Variants in IL1RAPL1 observed in about 807,000 individuals in gnomAD.
The protein encoded by IL1RAPL1 is interleukin 1 receptor accessory protein like 1.
IL1RAPL1 carries 3 observed loss-of-function variants against 48.4 expected under a neutral mutation model. The observed-to-expected ratio is 0.06, with a 90% confidence interval of 0.03 to 0.16. The LOEUF (loss-of-function observed/expected upper bound fraction) is 0.16, where lower values mean the gene tolerates loss of function less well. Among genes scored for constraint, IL1RAPL1 ranks in the 10% least tolerant of loss-of-function variants. The pLI is 1.00. For missense variants in IL1RAPL1, 349 were observed against 530.6 expected, an observed-to-expected ratio of 0.66 and a Z score of 3.36; for synonymous variants, 185 against 187.7, an observed-to-expected ratio of 0.99 and a Z score of 0.12.
At chrX:29,134,034 C>G (rs2147486389) in intron 2 of IL1RAPL1, among the ~76,000 whole-genome samples, 1 of 111,866 alleles carries the variant, frequency 8.9e-6, no homozygotes, top group Non-Finnish European at 1.9e-5. Flanking sequence ...TTTCTTTTTG[C>G]TACTGAATAA....
intron 6 of IL1RAPL1, among the ~76,000 whole-genome samples, chrX:29,848,774 A>G (rs1360279194): frequency 9.0e-6 from 1 of 110,557 alleles, no homozygotes; most frequent in Non-Finnish European, 1.9e-5. Flanking sequence ...CCATGTTTTT[A>G]TTTTATTTTG....
At chrX:29,612,413 T>C (rs1180901896) in intron 5 of IL1RAPL1, among the ~76,000 whole-genome samples, 5 of 101,526 alleles carry the variant, frequency 4.9e-5, no homozygotes, top group Non-Finnish European at 1.0e-4. Context: ...CTCATTTTAT[T>C]AAAAAAAAAA....
At chrX:28,940,308 G>T (rs1392567101) in intron 2 of IL1RAPL1, among the ~76,000 whole-genome samples, 1 of 111,006 alleles carries the variant, frequency 9.0e-6, no homozygotes, top group Non-Finnish European at 1.9e-5. Flanking sequence ...GAGCAAAAAA[G>T]ACATATATTT....
At chrX:29,666,782 G>T (rs765347969) in intron 5 of IL1RAPL1, among the ~76,000 whole-genome samples, 1 of 110,821 alleles carries the variant, frequency 9.0e-6, no homozygotes, top group Non-Finnish European at 1.9e-5. Context: ...GTAAAAAACT[G>T]TCAAGTCGTC....
intron 5 of IL1RAPL1, among the ~76,000 whole-genome samples, chrX:29,569,726 T>C: frequency 8.9e-6 from 1 of 111,780 alleles, no homozygotes; most frequent in Non-Finnish European, 1.9e-5. Flanking sequence ...TTGCAACTAC[T>C]TATGGTCGCG....
At chrX:29,948,717 T>C (rs938855359) in intron 9 of IL1RAPL1, among the ~76,000 whole-genome samples, 7 of 110,368 alleles carry the variant, frequency 6.3e-5, no homozygotes, top group African/African-American at 2.3e-4. Context: ...TAAAAAAAGA[T>C]GAACTATACA....
chrX:29,578,806 A>G lies in IL1RAPL1; in HGVS notation c.704-89624A>G, dbSNP rs1323235088. Among the ~76,000 whole-genome samples the G allele has an allele frequency of 2.7e-5, 3 of 111,894 alleles. No homozygotes were observed. In the East Asian group the frequency reaches 8.4e-4, roughly 31 times the overall value. ...CATAAATGGGTGAATTTGTAGATGT[A>G]TCAGTTGAGATTTTGCTGTGTAGTA... On this transcript the variant is annotated intron_variant, in intron 5 of 10. Transcript: ENST00000378993.
intron 1 of IL1RAPL1, among the ~76,000 whole-genome samples, chrX:28,773,226 A>G (rs1010243980): frequency 2.7e-5 from 3 of 110,652 alleles, no homozygotes; most frequent in African/African-American, 9.9e-5. Flanking sequence ...GATGTGCACC[A>G]GCATGCCCAG....
At chrX:28,771,162 A>G (rs932761044) in intron 1 of IL1RAPL1, among the ~76,000 whole-genome samples, 1 of 111,226 alleles carries the variant, frequency 9.0e-6, no homozygotes. Context: ...TAATCATCCC[A>G]CTCTGTCTCT....
chrX:29,319,558 G>GTATGTATGTATC (rs1555990684), intron 3 of IL1RAPL1, among the ~76,000 whole-genome samples: 1 of 82,013 alleles, frequency 1.2e-5, no homozygotes, highest in Non-Finnish European at 2.3e-5. Context: ...ATGTATGTAT[G>GTATGTATGTATC]TATCTATCTA....
chrX:28,619,768 G>C (rs975538854), intron 1 of IL1RAPL1, among the ~76,000 whole-genome samples: 6 of 111,232 alleles, frequency 5.4e-5, no homozygotes, highest in African/African-American at 2.0e-4. Context: ...GAACTACCAT[G>C]GTGAGCTAAA....
chrX:29,612,639 G>A (rs1924131679), intron 5 of IL1RAPL1, among the ~76,000 whole-genome samples: 1 of 111,500 alleles, frequency 9.0e-6, no homozygotes, highest in South Asian at 3.7e-4. Context: ...CCCTTCTGTA[G>A]TATGTGTTAA....
intron 1 of IL1RAPL1, among the ~76,000 whole-genome samples, chrX:28,740,409 A>G (rs1340316464): frequency 1.8e-5 from 2 of 112,066 alleles, no homozygotes; most frequent in African/African-American, 6.5e-5. Flanking sequence ...AATAGGCAAA[A>G]TTTATAAATC....
intron 5 of IL1RAPL1, among the ~76,000 whole-genome samples, chrX:29,621,081 A>G (rs1470389228): frequency 8.9e-6 from 1 of 112,208 alleles, no homozygotes; most frequent in Non-Finnish European, 1.9e-5. Flanking sequence ...GATGTTAAGA[A>G]CATATCTTAG....
intron 2 of IL1RAPL1, among the ~76,000 whole-genome samples, chrX:29,071,330 T>C (rs893670311): frequency 4.5e-5 from 5 of 111,748 alleles, no homozygotes; most frequent in Non-Finnish European, 5.6e-5. Flanking sequence ...ATTTCTAGAA[T>C]GTACTGTTAC....
Position 28,926,635 on chromosome X carries a change from A to C in IL1RAPL1, c.82+137210A>C, listed in dbSNP as rs766073672. Among the ~76,000 whole-genome samples, 3 of 112,031 alleles carry C rather than the reference A, an allele frequency of 2.7e-5. No individual in the cohort carries two copies. In the East Asian group the frequency reaches 8.4e-4, roughly 32 times the overall value. On this transcript the variant is annotated intron_variant, in intron 2 of 10. Coordinates refer to ENST00000378993, the MANE Select transcript of IL1RAPL1 (RefSeq NM_014271.4). Reference sequence around the variant, plus strand: ...TGCAAATAGCTAAATATTATTGACTAATCTCATTTTGAATTCATAGCCACA... The same window carrying C: ...TGCAAATAGCTAAATATTATTGACTCATCTCATTTTGAATTCATAGCCACA...
intron 3 of IL1RAPL1, among the ~76,000 whole-genome samples, chrX:29,301,007 C>T (rs984996329): frequency 2.7e-5 from 3 of 112,029 alleles, no homozygotes; most frequent in Non-Finnish European, 5.6e-5. Context: ...CAAAGCTCTA[C>T]GTCCTTGACT....
intron 5 of IL1RAPL1, among the ~76,000 whole-genome samples, chrX:29,656,894 T>C (rs1925699957): frequency 1.8e-5 from 2 of 111,383 alleles, no homozygotes; most frequent in African/African-American, 6.5e-5. Flanking sequence ...ATTCTTCATA[T>C]GGGGATTTGG....
At chrX:28,666,004 C>A (rs1934874502) in intron 1 of IL1RAPL1, among the ~76,000 whole-genome samples, 1 of 111,821 alleles carries the variant, frequency 8.9e-6, no homozygotes, top group African/African-American at 3.2e-5. Flanking sequence ...CCACGCAGGC[C>A]CACACAGACC....
Sources: gnomAD v4.1 joint callset for allele counts (sites outside exome capture counted in the v4.1 genomes callset) on GRCh38, gnomAD v4.1.1 for gene constraint, MANE v1.5 for transcripts, NCBI Gene and HGNC (gene_info 2026-07-23, HGNC 2026-07-21) for gene names.